Variants in PRKN observed in about 807,000 individuals in gnomAD.
The protein encoded by PRKN is parkin RBR E3 ubiquitin protein ligase.
A neutral mutation model predicts 59.5 loss-of-function variants in PRKN; 56 were observed. The observed-to-expected ratio is 0.94, with a 90% CI of 0.76 to 1.18. The LOEUF (loss-of-function observed/expected upper bound fraction) is 1.18, where lower values mean the gene tolerates loss of function less well. PRKN is among the 50% of genes most tolerant of loss of function. PRKN has a pLI of 0.00. For synonymous variants in PRKN, 250 were observed against 222.1 expected, an observed-to-expected ratio of 1.13 and a Z score of -1.12; for missense variants, 657 against 596.4, an observed-to-expected ratio of 1.10 and a Z score of -1.06.
chr6:162,004,285 CTG>C (rs1782166034), intron 5 of PRKN, among the ~76,000 whole-genome samples: 1 of 152,174 alleles, frequency 6.6e-6, no homozygotes, highest in Admixed American at 6.5e-5. Flanking sequence ...CCTGCTCCTG[CTG>C]TGTGAGACAC....
At chr6:161,901,577 A>C (rs1777917193) in intron 6 of PRKN, among the ~76,000 whole-genome samples, 3 of 152,192 alleles carry the variant, frequency 2.0e-5, no homozygotes, top group Non-Finnish European at 1.5e-5. Context: ...AAGTGTTCTA[A>C]TGTGGAATTT....
chr6:162,421,357 C>T (rs192681243), intron 2 of PRKN, among the ~76,000 whole-genome samples: 1 of 152,264 alleles, frequency 6.6e-6, no homozygotes, highest in African/African-American at 2.4e-5. Flanking sequence ...AGAATCTAGG[C>T]TGTTAAGAAC....
intron 4 of PRKN, among the ~76,000 whole-genome samples, chr6:162,103,333 CCAT>C (rs1780056791): frequency 6.6e-6 from 1 of 151,972 alleles, no homozygotes; most frequent in Admixed American, 6.6e-5. Context: ...AAATAATATC[CCAT>C]CATCAAGATT....
At chr6:162,134,505 A>G (rs1046001464) in intron 4 of PRKN, among the ~76,000 whole-genome samples, 1 of 152,212 alleles carries the variant, frequency 6.6e-6, no homozygotes, top group African/African-American at 2.4e-5. Context: ...GAGAAGTTTC[A>G]GAAGGGAGAG....
At chr6:162,531,996 G>A (rs1778535120) in intron 1 of PRKN, among the ~76,000 whole-genome samples, 1 of 151,468 alleles carries the variant, frequency 6.6e-6, no homozygotes, top group African/African-American at 2.4e-5. Context: ...TGGCCACAGT[G>A]TTGTAAACCT....
chr6:161,920,038 G>C (rs1729033398), intron 6 of PRKN, among the ~76,000 whole-genome samples: 2 of 152,184 alleles, frequency 1.3e-5, no homozygotes. Flanking sequence ...AGAGCCTTTT[G>C]CTGCTGGGTT....
intron 1 of PRKN, among the ~76,000 whole-genome samples, chr6:162,550,399 G>C (rs1367297399): frequency 6.6e-6 from 1 of 152,134 alleles, no homozygotes; most frequent in Non-Finnish European, 1.5e-5. Context: ...CTTATGAAGG[G>C]TTATTTTGGC....
At chr6:161,364,168 CAAA>C (rs71004043) in intron 10 of PRKN, among the ~76,000 whole-genome samples, 1 of 74,410 alleles carries the variant, frequency 1.3e-5, no homozygotes, top group Non-Finnish European at 2.8e-5. Context: ...GACTCCGTCT[CAAA>C]AAAAAAAAAA....
At chr6:162,619,647 A>G (rs1025797394) in intron 1 of PRKN, among the ~76,000 whole-genome samples, 5 of 151,780 alleles carry the variant, frequency 3.3e-5, no homozygotes, top group African/African-American at 9.7e-5. Context: ...ACTTACAAAT[A>G]TAACAGTTGT....
intron 6 of PRKN, among the ~76,000 whole-genome samples, chr6:161,921,132 C>T: frequency 6.6e-6 from 1 of 152,164 alleles, no homozygotes; most frequent in South Asian, 2.1e-4. Context: ...ATTCTATATG[C>T]TTTTTTTCTG....
intron 6 of PRKN, among the ~76,000 whole-genome samples, chr6:161,821,197 C>G (rs1328044810): frequency 6.6e-6 from 1 of 152,012 alleles, no homozygotes; most frequent in Non-Finnish European, 1.5e-5. Flanking sequence ...CAAACATACT[C>G]ACTCTTTGTC....
rs566770687 is a variant in PRKN at position 162,596,515 on chromosome 6, G to A, written c.7+131147C>T. Among the ~76,000 whole-genome samples the A allele has an allele frequency of 4.7e-4, 71 of 152,216 alleles. 1 individual carries two copies. The South Asian group carries it at 0.015, about 31-fold the overall frequency. ...AACACAGATGCTCAAAAGGTGAAAG[G>A]CAATAACTTCCTAGGCATTGAAATA... On this transcript the variant is annotated intron_variant, in intron 1 of 11. Transcript: ENST00000366898.
chr6:161,830,136 G>A (rs1451112386), intron 6 of PRKN, among the ~76,000 whole-genome samples: 1 of 152,154 alleles, frequency 6.6e-6, no homozygotes, highest in Admixed American at 6.5e-5. Flanking sequence ...AAATCAATTT[G>A]CCCAAAACCA....
chr6:162,447,572 G>A (rs1790379716), intron 1 of PRKN, among the ~76,000 whole-genome samples: 1 of 152,034 alleles, frequency 6.6e-6, no homozygotes, highest in South Asian at 2.1e-4. Context: ...TCCCTAACCA[G>A]GGTTGAGAAG....
At chr6:162,400,441 A>G (rs1787717978) in intron 2 of PRKN, among the ~76,000 whole-genome samples, 1 of 140,862 alleles carries the variant, frequency 7.1e-6, no homozygotes, top group African/African-American at 2.7e-5. Context: ...ACTTTCCCAC[A>G]GCAACATGTA....
chr6:161,913,332 G>C (rs1778438042), intron 6 of PRKN, among the ~76,000 whole-genome samples: 1 of 152,138 alleles, frequency 6.6e-6, no homozygotes. Flanking sequence ...AAGAGCTTAT[G>C]TGTAAATAAG....
At position 161,882,349 on chromosome 6, in the gene PRKN, GGCGT is replaced by G. The variant is rs781127147; in HGVS notation, c.734+90949_734+90952del. Among the ~76,000 whole-genome samples, 32 of 152,178 alleles carry G rather than the reference GGCGT, an allele frequency of 2.1e-4. 1 individual carries two copies. Among genetic ancestry groups the G allele is most frequent in the Non-Finnish European group, 4.0e-4 (27 of 68,032 alleles). On this transcript the variant is annotated intron_variant, in intron 6 of 11. Transcript: ENST00000366898. ...AGCAACGGCATGGGGGCGGGGCGGGGGCGTGCGGTGCAAGAATCAGGCAGGTGGT... is the reference window on the plus strand; with the variant it reads ...AGCAACGGCATGGGGGCGGGGCGGGGGCGGTGCAAGAATCAGGCAGGTGGT...
chr6:162,079,239 GC>G (rs1778960007), intron 4 of PRKN, among the ~76,000 whole-genome samples: 1 of 152,110 alleles, frequency 6.6e-6, no homozygotes, highest in Admixed American at 6.5e-5. Context: ...AGGAAATGAA[GC>G]AATCTATTTG....
chr6:162,010,844 C>CATTAT (rs1782579872), intron 5 of PRKN, among the ~76,000 whole-genome samples: 1 of 4,368 alleles, frequency 2.3e-4, no homozygotes, highest in East Asian at 0.018. Context: ...TTATATAATA[C>CATTAT]ATAATATTAA....
Sources: gnomAD v4.1 joint callset for allele counts (sites outside exome capture counted in the v4.1 genomes callset) on GRCh38, gnomAD v4.1.1 for gene constraint, MANE v1.5 for transcripts, NCBI Gene and HGNC (gene_info 2026-07-23, HGNC 2026-07-21) for gene names.